Variants in CDK14 observed in about 807,000 individuals in gnomAD.
CDK14 encodes cyclin dependent kinase 14, also known as cyclin-dependent kinase 14.
A neutral mutation model predicts 60.7 loss-of-function variants in CDK14; 34 were observed. The observed-to-expected ratio is 0.56, with a 90% CI of 0.43 to 0.75. The LOEUF (loss-of-function observed/expected upper bound fraction) is 0.75. CDK14 is among the 30% of genes least tolerant of loss of function. The probability of loss-of-function intolerance (pLI) is 0.00; values close to 1 mark genes in which losing one functional copy is unlikely to be tolerated. For missense variants in CDK14, 482 were observed against 564.1 expected, an observed-to-expected ratio of 0.85 and a Z score of 1.47; for synonymous variants, 197 against 203.7, an observed-to-expected ratio of 0.97 and a Z score of 0.28.
intron 14 of CDK14, among the ~76,000 whole-genome samples, chr7:91,198,421 T>A (rs1389688896): frequency 1.3e-5 from 2 of 152,210 alleles, no homozygotes; most frequent in African/African-American, 4.8e-5. Context: ...AAGGGCAAAA[T>A]GCTCAAGGAT....
chr7:90,849,794 G>A (rs967668202), intron 5 of CDK14, among the ~76,000 whole-genome samples: 1 of 152,000 alleles, frequency 6.6e-6, no homozygotes, highest in Non-Finnish European at 1.5e-5. Context: ...CCAAGTCTGC[G>A]GGTTGGATCT....
At chr7:91,184,176 G>A (rs1802095399) in intron 14 of CDK14, among the ~76,000 whole-genome samples, 1 of 124,516 alleles carries the variant, frequency 8.0e-6, no homozygotes, top group Non-Finnish European at 1.6e-5. Flanking sequence ...CTGCACTCCA[G>A]CCTGGGTGAC....
chr7:90,943,809 A>T (rs993390219), intron 8 of CDK14, among the ~76,000 whole-genome samples: 2 of 152,176 alleles, frequency 1.3e-5, no homozygotes, highest in African/African-American at 4.8e-5. Context: ...GAAAACAGAG[A>T]TGTTCTGGAT....
In CDK14 at chr7:91,202,113, A is replaced by G. The variant is rs1584211052; in HGVS notation, c.*29-5052A>G. 7.2e-5 allele frequency among the ~76,000 whole-genome samples: 11 copies of G among 152,230 alleles called. 2 individuals carry two copies. Among genetic ancestry groups the G allele is most frequent in the Admixed American group, 6.5e-4 (10 of 15,284 alleles). ...GCGGGACTGCTCATTTTCATTTTTCATCTCCTCCATCACATGATGCTGACA... is the reference window on the plus strand; with the variant it reads ...GCGGGACTGCTCATTTTCATTTTTCGTCTCCTCCATCACATGATGCTGACA... On this transcript the variant is annotated intron_variant, in intron 14 of 14. Transcript: ENST00000380050.
chr7:90,827,163 T>A (rs1052778567), intron 5 of CDK14, among the ~76,000 whole-genome samples: 1 of 152,054 alleles, frequency 6.6e-6, no homozygotes, highest in Admixed American at 6.5e-5. Flanking sequence ...TCTTAATGGT[T>A]TTGTCTTTTC....
At chr7:91,178,822 G>A (rs1281549859) in intron 14 of CDK14, among the ~76,000 whole-genome samples, 2 of 151,940 alleles carry the variant, frequency 1.3e-5, no homozygotes, top group African/African-American at 4.8e-5. Flanking sequence ...GTGCTGGAGA[G>A]GATGTGGAGA....
chr7:90,894,623 A>G (rs970921051), intron 6 of CDK14, among the ~76,000 whole-genome samples: 6 of 152,170 alleles, frequency 3.9e-5, no homozygotes, highest in African/African-American at 1.4e-4. Context: ...TTCATTTTAA[A>G]CAAGAAGCTT....
intron 9 of CDK14, among the ~76,000 whole-genome samples, chr7:90,969,942 A>G (rs189132936): frequency 4.7e-5 from 7 of 149,416 alleles, no homozygotes; most frequent in East Asian, 2.0e-4. Context: ...TTCATTATCC[A>G]TAGGAGTCTG....
chr7:90,949,331 G>A (rs1445760329), intron 8 of CDK14, among the ~76,000 whole-genome samples: 1 of 151,918 alleles, frequency 6.6e-6, no homozygotes, highest in Non-Finnish European at 1.5e-5. Context: ...TTCCTGAGTA[G>A]CTGGGTTTAC....
At chr7:91,046,072 C>A in intron 11 of CDK14, 112 bp downstream of exon 11, 1 of 688,954 alleles carries the variant, frequency 1.5e-6, no homozygotes. Flanking sequence ...TTACTTTTGC[C>A]ATTGTGTACT....
chr7:91,205,952 C>T (rs529870854), intron 14 of CDK14, among the ~76,000 whole-genome samples: 120 of 152,188 alleles, frequency 7.9e-4, no homozygotes, highest in African/African-American at 2.4e-3. Context: ...CACACCACCA[C>T]GCCTGGCTAG....
intron 4 of CDK14, among the ~76,000 whole-genome samples, chr7:90,754,759 A>G (rs941289525): frequency 6.6e-6 from 1 of 152,184 alleles, no homozygotes; most frequent in Non-Finnish European, 1.5e-5. Context: ...AACTTACACA[A>G]TTTAACGAGC....
chr7:90,895,364 TCCTCCCCTCC>T (rs1562817550), intron 6 of CDK14, among the ~76,000 whole-genome samples: 13 of 7,458 alleles, frequency 1.7e-3, no homozygotes, highest in Non-Finnish European at 1.9e-3. Flanking sequence ...TCCTCACCTC[TCCTCCCCTCC>T]CCTCTCCTCT....
rs115189987 is a variant in CDK14, at chr7:90,945,691, G to A, written c.827-10006G>A. On this transcript the variant is annotated intron_variant, in intron 8 of 14. Coordinates refer to ENST00000380050, the MANE Select transcript of CDK14 (RefSeq NM_001287135.2). The stretch of plus-strand genomic sequence containing the variant: ...AACCCAACTTGAGGCCAGGGGACAA[G>A]GACTTTGTAATTACACGCTCATTAA... Among the ~76,000 whole-genome samples the A allele has an allele frequency of 7.8e-3, 1,189 of 152,290 alleles. 19 individuals carry two copies. The highest frequency in any genetic ancestry group is 0.028 in the African/African-American group (1,148 of 41,560).
chr7:90,805,591 TG>T (rs1454999560), intron 5 of CDK14, among the ~76,000 whole-genome samples: 3 of 152,106 alleles, frequency 2.0e-5, no homozygotes, highest in African/African-American at 7.2e-5. Context: ...TTAGAATTTT[TG>T]TACTGAAAAT....
chr7:91,025,849 G>A (rs1301694999), intron 10 of CDK14, among the ~76,000 whole-genome samples: 2 of 152,182 alleles, frequency 1.3e-5, no homozygotes, highest in African/African-American at 2.4e-5. Flanking sequence ...CAGGTCTCAG[G>A]CAGGAGTTGC....
intron 8 of CDK14, among the ~76,000 whole-genome samples, chr7:90,955,440 T>C (rs989521320): frequency 2.0e-5 from 3 of 152,190 alleles, no homozygotes; most frequent in Non-Finnish European, 4.4e-5. Context: ...GAATTATTTG[T>C]TTACTCTGCT....
intron 10 of CDK14, among the ~76,000 whole-genome samples, chr7:91,018,585 T>C (rs569537349): frequency 5.3e-4 from 81 of 152,322 alleles, no homozygotes; most frequent in African/African-American, 1.9e-3. Context: ...TCATGTCGAA[T>C]TGTAATCCCC....
At chr7:91,112,030 T>C (rs375122249) in intron 12 of CDK14, among the ~76,000 whole-genome samples, 109 of 152,340 alleles carry the variant, frequency 7.2e-4, no homozygotes, top group African/African-American at 2.5e-3. Context: ...ATTATGATAG[T>C]TGATATTTGA....
Sources: allele counts gnomAD v4.1 joint callset (sites outside exome capture counted in the v4.1 genomes callset), GRCh38; gene constraint gnomAD v4.1.1; transcripts MANE v1.5; gene names NCBI Gene and HGNC (gene_info 2026-07-23, HGNC 2026-07-21).